Variants in ENTR1 observed in about 807,000 individuals in gnomAD.
ENTR1 encodes endosome-associated-trafficking regulator 1.
In ENTR1, 47 loss-of-function variants were observed where a neutral mutation model predicts 47.9. The observed-to-expected ratio is 0.98, with a 90% CI of 0.78 to 1.25. The LOEUF (loss-of-function observed/expected upper bound fraction) is 1.25. ENTR1 is among the 50% of genes most tolerant of loss of function. ENTR1 has a pLI of 0.00. For missense variants in ENTR1, 668 were observed against 570.5 expected, an observed-to-expected ratio of 1.17 and a Z score of -1.74; for synonymous variants, 290 against 245.8, an observed-to-expected ratio of 1.18 and a Z score of -1.68.
At chr9:136,404,529 C>G in intron 8 of ENTR1, 102 bp downstream of exon 8, 1 of 1,281,836 alleles carries the variant, frequency 7.8e-7, no homozygotes, top group South Asian at 1.3e-5. Flanking sequence ...TCTGCTTGGG[C>G]TCAGGGGAAA....
In ENTR1 at chr9:136,410,409, C is replaced by A; in HGVS notation, c.-12G>T. ...TGGTAGCCCGACATCGCCGCCGGCC[C>A]GGCGGGGCACGACCTGCCTAGCCCG... is the stretch of plus-strand genomic sequence containing the variant. On this transcript the variant is annotated 5_prime_UTR_variant, in exon 1 of 10. Coordinates refer to ENST00000357365, the MANE Select transcript of ENTR1 (RefSeq NM_001039707.2). The A allele has an allele frequency of 2.2e-6, 3 of 1,353,710 alleles. No individual in the cohort carries two copies. Among genetic ancestry groups the A allele is most frequent in the South Asian group, 1.7e-5 (1 of 57,624 alleles). 83.9% of individuals were successfully genotyped at this position (1,353,710 alleles called of 1,614,324 possible).
At chr9:136,403,465 G>A (rs1286725807) in intron 9 of ENTR1, among the ~76,000 whole-genome samples, 1 of 97,392 alleles carries the variant, frequency 1.0e-5, no homozygotes, top group African/African-American at 3.9e-5. Flanking sequence ...GGGTTTGCCG[G>A]GGGAAGAAAG....
At chr9:136,405,257 A>G (rs1179770337) in intron 6 of ENTR1, 55 bp from the exon 7 acceptor site, 1 of 1,353,462 alleles carries the variant, frequency 7.4e-7, no homozygotes, top group African/African-American at 1.4e-5. Flanking sequence ...TAAGAGGACT[A>G]CAAAAAGATA....
intron 3 of ENTR1, 78 bp downstream of exon 3, chr9:136,408,921 C>T (rs1834921504): frequency 8.6e-7 from 1 of 1,166,218 alleles, no homozygotes; most frequent in Admixed American, 1.7e-5. Flanking sequence ...TAGCCAGTCA[C>T]ATTGACAGTC....
Position 136,408,987 on chromosome 9 carries a change from G to T in ENTR1, c.289+12C>A, listed in dbSNP as rs754615521. 1.2e-6 allele frequency: 2 copies of T among 1,612,470 alleles called. No individual in the cohort carries two copies. The highest frequency in any genetic ancestry group is 2.2e-5 in the South Asian group (2 of 91,054). ...ATGGAGACAAGAAGAAAAGGTTGCT[G>T]AACTACTCTACCTCCAAAATGTGTC... On this transcript the variant is annotated intron_variant, in intron 3 of 9. Coordinates refer to ENST00000357365, the MANE Select transcript of ENTR1 (RefSeq NM_001039707.2).
chr9:136,407,337 G>A lies in ENTR1; in HGVS notation c.627C>T (p.Ser209=). The change falls in exon 5 of 10, where the codon AGC becomes AGT. Residue 209 remains serine, a synonymous_variant. Transcript: ENST00000357365. ...GGGTGGAGAAAAAGGAAAGGTATGT[G>A]CTGCAGGGCGACGTGCCGGCAGGGA... ...ERVPAGTSPC[S]TYLSFFSTPS... 2 of 1,608,832 alleles carry A rather than the reference G, an allele frequency of 1.2e-6. No homozygotes were observed. The highest frequency in any genetic ancestry group is 1.7e-6 in the Non-Finnish European group (2 of 1,178,440).
At chr9:136,403,750 A>G (rs976813003) in intron 9 of ENTR1, among the ~76,000 whole-genome samples, 1 of 151,996 alleles carries the variant, frequency 6.6e-6, no homozygotes, top group African/African-American at 2.4e-5. Flanking sequence ...GGAAACCCCC[A>G]CTATTTCCTT....
chr9:136,405,640 G>T (rs1472385813), intron 6 of ENTR1, among the ~76,000 whole-genome samples: 1 of 152,202 alleles, frequency 6.6e-6, no homozygotes, highest in African/African-American at 2.4e-5. Context: ...TACTCAGGAG[G>T]CTGAGATGGG....
Position 136,403,283 on chromosome 9 carries a change from A to AAGGG in ENTR1, c.1209-397_1209-396insCCCT, listed in dbSNP as rs376149503. On this transcript the variant is annotated intron_variant, in intron 9 of 9. Coordinates refer to ENST00000357365, the MANE Select transcript of ENTR1 (RefSeq NM_001039707.2). ...AAAGGGACAGAATTCTGGGGGGAGA[A>AAGGG]ACAGAAGGGGTCCCAGGGAGCAAGG... 2.9e-3 allele frequency among the ~76,000 whole-genome samples: 383 copies of AAGGG among 133,578 alleles called. 6 individuals are homozygous for AAGGG. The highest frequency in any genetic ancestry group is 0.013 in the East Asian group (45 of 3,570). The allele number at this position is 133,578 out of a possible 152,430, so 87.6% of individuals were successfully genotyped here.
At position 136,402,791 on chromosome 9, in the gene ENTR1, A is replaced by T; in HGVS notation, c.1305T>A (p.Ser435=). ...TGCTGAGAACACCCAGGGGTCCTCA[A>T]GAGTCTTCCTCCTCGTCTTTAACTT... ...ISEVKDEEED[S] is the part of the protein sequence containing the mutation. The change falls in exon 10 of 10, where the codon TCT becomes TCA. Residue 435 remains serine, a synonymous_variant. Transcript: ENST00000357365. 1 of 1,611,094 alleles carries T rather than the reference A, an allele frequency of 6.2e-7. No homozygotes were observed. Among genetic ancestry groups the T allele is most frequent in the Non-Finnish European group, 8.5e-7 (1 of 1,178,246 alleles).
At position 136,402,736 on chromosome 9, in the gene ENTR1, T is replaced by C; in HGVS notation, c.*52A>G. On this transcript the variant is annotated 3_prime_UTR_variant, in exon 10 of 10. Coordinates refer to ENST00000357365, the MANE Select transcript of ENTR1 (RefSeq NM_001039707.2). ...ACAACTGCACATTTAGATCGAGCGG[T>C]GGTGACCTCAGGGTATACACGGAGC... 2.5e-6 allele frequency: 3 copies of C among 1,212,894 alleles called. No homozygotes were observed. The allele number at this position is 1,212,894 out of a possible 1,614,324, so 75.1% of individuals were successfully genotyped here. A position where few individuals can be genotyped will look rare whatever the true frequency, so the allele number is the denominator to read the frequency against.
At chr9:136,407,728 T>C (rs1440959100) in intron 4 of ENTR1, 98 bp downstream of exon 4, 75 of 1,363,436 alleles carry the variant, frequency 5.5e-5, no homozygotes, top group Non-Finnish European at 7.5e-5. Flanking sequence ...GACGCCTGCC[T>C]GCTCTGCCAC....
chr9:136,408,965 G>A (rs762907081), intron 3 of ENTR1, 34 bp downstream of exon 3: 1 of 1,584,866 alleles, frequency 6.3e-7, no homozygotes, highest in Non-Finnish European at 8.7e-7. Flanking sequence ...GTGTTGGATG[G>A]AGACAAGAAG....
At chr9:136,405,358 T>C in intron 6 of ENTR1, 156 bp from the exon 7 acceptor site, 1 of 611,406 alleles carries the variant, frequency 1.6e-6, no homozygotes, top group Admixed American at 2.7e-5. Flanking sequence ...GGCCTGGACC[T>C]GTAGCCACCA....
In ENTR1 at chr9:136,410,335, A is replaced by G; in HGVS notation, c.63T>C (p.Ile21=). 1 of 1,546,170 alleles carries G rather than the reference A, an allele frequency of 6.5e-7. No homozygotes were observed. The highest frequency in any genetic ancestry group is 8.7e-7 in the Non-Finnish European group (1 of 1,145,794). The part of the protein sequence containing the change: ...TPLSRARSLA[I]PDAPAFYERR... ...GGCCCCTGCCCCGCTCACCGTCGGG[A>G]ATGGCGAGGCTCCGGGCTCGGGACA... The change falls in exon 1 of 10, where the codon ATT becomes ATC. Residue 21 remains isoleucine (I), a synonymous_variant. Transcript: ENST00000357365.
rs748824428 is a variant in ENTR1, at chr9:136,407,918, C to A, written c.310G>T (p.Glu104Ter). ...HFGDDRFEDL[E>*]EANPFSFREF... ...CTAAAAGAGAATGGATTTGCCTCTT[C>A]CAGATCTTCAAATCTGTCATCTGAA... Residue 104 changes from glutamate (E) to a stop codon, truncating the protein, a stop_gained, in exon 4 of 10, where the codon GAA (glutamate) becomes TAA (stop). Transcript: ENST00000357365. LOFTEE classifies it high-confidence loss of function. The A allele has an allele frequency of 1.9e-6, 3 of 1,607,620 alleles. No individual in the cohort carries two copies. Among genetic ancestry groups the A allele is most frequent in the Non-Finnish European group, 2.6e-6 (3 of 1,174,258 alleles).
rs759849899 is a variant in ENTR1, at chr9:136,404,227, G to T, written c.1069-33C>A. 1.9e-6 allele frequency: 3 copies of T among 1,564,258 alleles called. No homozygotes were observed. The African/African-American group carries it at 4.1e-5, about 21-fold the overall frequency. On this transcript the variant is annotated intron_variant, in intron 8 of 9. Transcript: ENST00000357365. Reference sequence around the variant, plus strand: ...GACGGTTACGGCTAAGGACAGAGCAGCTCCGAGGCAACCCGGCTGAAAGTC... The same window carrying T: ...GACGGTTACGGCTAAGGACAGAGCATCTCCGAGGCAACCCGGCTGAAAGTC...
intron 3 of ENTR1, among the ~76,000 whole-genome samples, chr9:136,408,443 T>C (rs545735938): frequency 6.6e-6 from 1 of 151,986 alleles, no homozygotes; most frequent in East Asian, 1.9e-4. Context: ...CCAGGCGTGG[T>C]GGTGAGCGCC....
At position 136,410,119 on chromosome 9, in the gene ENTR1, C is replaced by T. The variant is rs201632562; in HGVS notation, c.191G>A (p.Ser64Asn). The change falls in exon 2 of 10, where the codon AGC becomes AAC. Residue 64 changes from serine to asparagine, a missense_variant. Transcript: ENST00000357365. ...IRPAFMCYVP[S>N]PVLASVGDTD... The stretch of plus-strand genomic sequence containing the variant: ...GTCTCCCACGGAAGCCAGCACCGGG[C>T]TGGGCACATAGCACATAAAGGCCGG... 2.1e-5 allele frequency: 34 copies of T among 1,612,760 alleles called. No individual in the cohort carries two copies. Among genetic ancestry groups the T allele is most frequent in the Non-Finnish European group, 2.5e-5 (30 of 1,179,966 alleles).
Sources: allele counts gnomAD v4.1 joint callset (sites outside exome capture counted in the v4.1 genomes callset), GRCh38; gene constraint gnomAD v4.1.1; transcripts MANE v1.5; gene names NCBI Gene and HGNC (gene_info 2026-07-23, HGNC 2026-07-21).